JADE2: variants seen among roughly 807,000 people sequenced by gnomAD.
JADE2 encodes jade family PHD finger 2.
In JADE2, 13 loss-of-function variants were observed where a neutral mutation model predicts 85.7. That is an observed-to-expected ratio of 0.15 (90% CI 0.10 to 0.24). The LOEUF (loss-of-function observed/expected upper bound fraction) is 0.24, where lower values mean the gene tolerates loss of function less well. Among genes scored for constraint, JADE2 ranks in the 10% least tolerant of loss-of-function variants. The pLI, the probability that JADE2 is intolerant of heterozygous loss-of-function variation, is 1.00. For missense variants in JADE2, 846 were observed against 1,115.9 expected (o/e 0.76, Z 3.45); for synonymous variants, 440 against 456.1 (o/e 0.96, Z 0.45).
chr5:134,546,630 C>T (rs1239142744), intron 3 of JADE2, among the ~76,000 whole-genome samples: 4 of 151,690 alleles, frequency 2.6e-5, no homozygotes, highest in South Asian at 2.1e-4. Context: ...TAGCTGGGCG[C>T]GGTGGCCGGT....
chr5:134,539,479 G>C (rs571891742), intron 3 of JADE2, among the ~76,000 whole-genome samples: 25 of 151,456 alleles, frequency 1.7e-4, no homozygotes, highest in Admixed American at 1.5e-3. Flanking sequence ...GATTACAGGC[G>C]TGAGCCACCG....
At chr5:134,553,262 T>G (rs776480695) in intron 4 of JADE2, among the ~76,000 whole-genome samples, 2 of 150,756 alleles carry the variant, frequency 1.3e-5, no homozygotes, top group Non-Finnish European at 3.0e-5. Context: ...TGAGCCACCA[T>G]GCCCAGTCCC....
At chr5:134,564,427 A>G in intron 7 of JADE2, 67 bp from the exon 8 acceptor site, 1 of 1,097,224 alleles carries the variant, frequency 9.1e-7, no homozygotes. Flanking sequence ...ACAAACCCCC[A>G]TTTTGGAGAT....
At chr5:134,524,155 G>A (rs1275577783), upstream of JADE2, among the ~76,000 whole-genome samples, 1 of 152,200 alleles carries the variant, frequency 6.6e-6, no homozygotes, top group African/African-American at 2.4e-5. Context: ...TCCTCCCGAG[G>A]CCAGACCCAC....
chr5:134,569,773 T>C (rs893832278), intron 9 of JADE2, among the ~76,000 whole-genome samples: 1 of 152,190 alleles, frequency 6.6e-6, no homozygotes, highest in Non-Finnish European at 1.5e-5. Flanking sequence ...AGTGCCTGGA[T>C]GGTGGTCCCT....
At chr5:134,548,696 G>A (rs1244234882) in intron 3 of JADE2, among the ~76,000 whole-genome samples, 2 of 152,174 alleles carry the variant, frequency 1.3e-5, no homozygotes, top group South Asian at 2.1e-4. Context: ...GTTGACCCTG[G>A]GAGCCCTTCC....
chr5:134,538,794 C>T, intron 3 of JADE2, among the ~76,000 whole-genome samples: 1 of 151,874 alleles, frequency 6.6e-6, no homozygotes. Flanking sequence ...ACAGAAGAAG[C>T]CTTTGGCACA....
chr5:134,571,751 C>T (rs753643050), intron 9 of JADE2, among the ~76,000 whole-genome samples: 13 of 152,330 alleles, frequency 8.5e-5, no homozygotes, highest in Middle Eastern at 3.4e-3. Context: ...CTCAGTCAAG[C>T]TTCAGCACCT....
intron 8 of JADE2, among the ~76,000 whole-genome samples, chr5:134,565,764 C>T (rs945238859): frequency 6.7e-6 from 1 of 149,932 alleles, no homozygotes; most frequent in East Asian, 2.0e-4. Context: ...ACCTGGGAAG[C>T]GGAGGTTGCG....
intron 3 of JADE2, among the ~76,000 whole-genome samples, chr5:134,544,771 C>G (rs1356197668): frequency 1.3e-5 from 2 of 152,178 alleles, no homozygotes; most frequent in African/African-American, 4.8e-5. Flanking sequence ...TCCCCCAGAC[C>G]CAGTGTCCTT....
intron 9 of JADE2, among the ~76,000 whole-genome samples, chr5:134,571,096 T>C (rs1763974483): frequency 6.6e-6 from 1 of 152,192 alleles, no homozygotes; most frequent in South Asian, 2.1e-4. Context: ...TCCCAGCTTC[T>C]GGTGGTTGCC....
At chr5:134,546,867 G>T (rs867964833) in intron 3 of JADE2, among the ~76,000 whole-genome samples, 2 of 152,056 alleles carry the variant, frequency 1.3e-5, no homozygotes, top group Middle Eastern at 3.2e-3. Context: ...TTTCCTCTTG[G>T]TGCCTCTTAG....
intron 3 of JADE2, among the ~76,000 whole-genome samples, chr5:134,541,477 T>G (rs541758268): frequency 6.6e-6 from 1 of 152,356 alleles, no homozygotes; most frequent in South Asian, 2.1e-4. Flanking sequence ...GCCTGGGCCT[T>G]GGATACCCTG....
In JADE2 at chr5:134,576,758, C is replaced by T; in HGVS notation, c.1553-10C>T. ...CCATCTCCCTCCTCCTCTCACTTTC[C>T]CTGACACAGAGCGGTCTGGGAGGAG... On this transcript the variant is annotated splice_polypyrimidine_tract_variant and intron_variant, in intron 10 of 11. Transcript: ENST00000681547. 6.4e-7 allele frequency: 1 copy of T among 1,550,566 alleles called. No homozygotes were observed. The highest frequency in any genetic ancestry group is 8.7e-7 in the Non-Finnish European group (1 of 1,146,952).
intron 1 of JADE2, among the ~76,000 whole-genome samples, chr5:134,527,197 A>C (rs1581380733): frequency 9.4e-6 from 1 of 106,862 alleles, no homozygotes; most frequent in African/African-American, 3.8e-5. Flanking sequence ...TCCCGGCCTC[A>C]CCTCCTTCCT....
At chr5:134,527,625 C>G (rs1444525321) in intron 1 of JADE2, among the ~76,000 whole-genome samples, 1 of 151,874 alleles carries the variant, frequency 6.6e-6, no homozygotes, top group African/African-American at 2.4e-5. Context: ...TGGGCCGGAG[C>G]CCCCCGCAGC....
chr5:134,553,719 A>C (rs770446965), intron 4 of JADE2, among the ~76,000 whole-genome samples: 2 of 152,240 alleles, frequency 1.3e-5, no homozygotes, highest in African/African-American at 4.8e-5. Context: ...AGTGCCTGGC[A>C]TACAGCAGAT....
Position 134,566,110 on chromosome 5 carries a change from C to T in JADE2, c.970-6C>T, listed in dbSNP as rs1763625914. 1 of 1,609,140 alleles carries T rather than the reference C, an allele frequency of 6.2e-7. No homozygotes were observed. The highest frequency in any genetic ancestry group is 1.1e-5 in the South Asian group (1 of 90,362). The stretch of plus-strand genomic sequence containing the variant: ...ATGTCTGATCCTGCCCCTCCTTTCC[C>T]CTCAGTGTTCCATGCCTTCCTGCGT... On this transcript the variant is annotated splice_polypyrimidine_tract_variant and splice_region_variant and intron_variant, in intron 8 of 11. Transcript: ENST00000681547. The surrounding 1 kb of genome is among the most constrained non-coding windows in gnomAD (Gnocchi z 6.7).
At chr5:134,567,212 C>T (rs549178049) in intron 9 of JADE2, among the ~76,000 whole-genome samples, 4 of 152,170 alleles carry the variant, frequency 2.6e-5, no homozygotes, top group Admixed American at 1.3e-4. Context: ...GTGGATCGCA[C>T]GAGACTGGGC....
Sources: gnomAD v4.1 joint callset for allele counts (sites outside exome capture counted in the v4.1 genomes callset) on GRCh38, gnomAD v4.1.1 for gene constraint, Gnocchi (gnomAD v3.1) non-coding constraint, MANE v1.5 for transcripts, NCBI Gene and HGNC (gene_info 2026-07-23, HGNC 2026-07-21) for gene names.